The following REDIC1 variants were observed in gnomAD, a reference collection of about 807,000 sequenced individuals.
REDIC1 encodes the protein HEI10 Interacting Protein 1.
At chr12:39,868,206 T>A in the REDIC1 span, among the ~76,000 whole-genome samples, 1 of 152,202 alleles carries the variant, frequency 6.6e-6, no homozygotes, top group Non-Finnish European at 1.5e-5. Flanking sequence ...AGTTTTGGCA[T>A]GTTCTTTATG....
At chr12:39,836,298 C>G in the REDIC1 span, among the ~76,000 whole-genome samples, 6 of 152,050 alleles carry the variant, frequency 3.9e-5, no homozygotes, top group Non-Finnish European at 7.4e-5. Flanking sequence ...ATTAGAAACT[C>G]AAATAGAGGA....
chr12:39,798,314 C>T, the REDIC1 span, among the ~76,000 whole-genome samples: 1 of 152,104 alleles, frequency 6.6e-6, no homozygotes, highest in African/African-American at 2.4e-5. Flanking sequence ...ATTTGTGACC[C>T]AGAGAAACTG....
At chr12:39,674,339 A>C in the REDIC1 span, among the ~76,000 whole-genome samples, 1 of 152,246 alleles carries the variant, frequency 6.6e-6, no homozygotes, top group South Asian at 2.1e-4. Context: ...CCACTGAGTC[A>C]GATGCTTAAA....
chr12:39,729,417 C>T, the REDIC1 span, among the ~76,000 whole-genome samples: 2 of 152,086 alleles, frequency 1.3e-5, no homozygotes, highest in Non-Finnish European at 2.9e-5. Context: ...TTGTTATTTA[C>T]CCAGTAGGCA....
At chr12:39,899,671 G>A in the REDIC1 span, among the ~76,000 whole-genome samples, 2 of 151,858 alleles carry the variant, frequency 1.3e-5, no homozygotes, top group African/African-American at 4.8e-5. Context: ...AGAGATTCTG[G>A]TATGTTGTGT....
chr12:39,830,115 G>C, the REDIC1 span: 1 of 1,613,638 alleles, frequency 6.2e-7, no homozygotes, highest in South Asian at 1.1e-5. Flanking sequence ...GCCCCAGGCT[G>C]CCTCATTTGT....
Sources: gnomAD v4.1 joint callset for allele counts (sites outside exome capture counted in the v4.1 genomes callset) on GRCh38, gnomAD v4.1.1 for gene constraint, MANE v1.5 for transcripts, NCBI Gene and HGNC (gene_info 2026-07-23, HGNC 2026-07-21) for gene names.